Variants in GOLGA3 observed in about 807,000 individuals in gnomAD.
GOLGA3 encodes the protein golgin A3.
A neutral mutation model predicts 169.4 loss-of-function variants in GOLGA3; 75 were observed. The observed-to-expected ratio is 0.44, with a 90% confidence interval of 0.37 to 0.54. GOLGA3 has a LOEUF of 0.54. Among genes scored for constraint, GOLGA3 ranks in the 20% least tolerant of loss-of-function variants. The probability of loss-of-function intolerance (pLI) is 0.00; values close to 1 mark genes in which losing one functional copy is unlikely to be tolerated. For missense variants in GOLGA3, 1,899 were observed against 1,930.0 expected (o/e 0.98, Z 0.30); for synonymous variants, 824 against 822.4 (o/e 1.00, Z -0.03).
At chr12:132,791,990 C>G (rs1367822060) in intron 11 of GOLGA3, among the ~76,000 whole-genome samples, 1 of 145,232 alleles carries the variant, frequency 6.9e-6, no homozygotes, top group Non-Finnish European at 1.5e-5. Context: ...ACACTGAGGG[C>G]TCCAAGAGGG....
chr12:132,800,294 G>A (rs1217186465), intron 8 of GOLGA3, among the ~76,000 whole-genome samples: 1 of 152,140 alleles, frequency 6.6e-6, no homozygotes, highest in Non-Finnish European at 1.5e-5. Context: ...AAGAGTTCAA[G>A]ACGAGCTTGG....
chr12:132,810,852 A>T (rs1412493542), intron 4 of GOLGA3, among the ~76,000 whole-genome samples: 2 of 152,296 alleles, frequency 1.3e-5, no homozygotes, highest in African/African-American at 4.8e-5. Flanking sequence ...CCTAACCATC[A>T]ACCTGTGATG....
chr12:132,782,201 G>A, intron 17 of GOLGA3, 95 bp downstream of exon 17: 1 of 1,181,484 alleles, frequency 8.5e-7, no homozygotes, highest in Non-Finnish European at 1.3e-6. Flanking sequence ...CTAGGAGTCA[G>A]CACAGGTGAC....
chr12:132,797,346 C>T (rs1369443738), intron 9 of GOLGA3, among the ~76,000 whole-genome samples: 2 of 152,164 alleles, frequency 1.3e-5, no homozygotes, highest in Non-Finnish European at 2.9e-5. Flanking sequence ...GAACCTCCCT[C>T]CATACACTGC....
At chr12:132,789,394 G>A in intron 12 of GOLGA3, 104 bp from the exon 13 acceptor site, 1 of 970,990 alleles carries the variant, frequency 1.0e-6, no homozygotes, top group Non-Finnish European at 1.5e-6. Flanking sequence ...CTTATCGGGG[G>A]CATAACTTTT....
Position 132,787,809 on chromosome 12 carries a change from G to T in GOLGA3, c.2812-1022C>A, listed in dbSNP as rs1454461185. 6.7e-5 allele frequency among the ~76,000 whole-genome samples: 2 copies of T among 29,894 alleles called. 1 individual carries two copies. The highest frequency in any genetic ancestry group is 1.9e-4 in the African/African-American group (2 of 10,302). The allele number at this position is 29,894 out of a possible 152,430, so 19.6% of individuals were successfully genotyped here. A position where few individuals can be genotyped will look rare whatever the true frequency, so the allele number is the denominator to read the frequency against. On this transcript the variant is annotated intron_variant, in intron 13 of 23. Transcript: ENST00000450791. ...CCCGGAGACCACGGGACCCCTCCCCGGAGACCCCGGGACCCCTCCCCGGAG... is the reference window on the plus strand; with the variant it reads ...CCCGGAGACCACGGGACCCCTCCCCTGAGACCCCGGGACCCCTCCCCGGAG...
intron 18 of GOLGA3, among the ~76,000 whole-genome samples, chr12:132,779,654 G>A (rs1476203374): frequency 2.0e-5 from 3 of 152,156 alleles, no homozygotes; most frequent in Non-Finnish European, 4.4e-5. Flanking sequence ...GAGACAACCA[G>A]TTATTTCTTG....
chr12:132,784,448 T>C (rs986223870), intron 15 of GOLGA3, 141 bp from the exon 16 acceptor site: 4 of 709,946 alleles, frequency 5.6e-6, no homozygotes, highest in Non-Finnish European at 9.3e-6. Context: ...AACCTTCCTT[T>C]TTGTTAAAGA....
At chr12:132,826,751 T>C (rs1283208398) in intron 1 of GOLGA3, among the ~76,000 whole-genome samples, 1 of 152,184 alleles carries the variant, frequency 6.6e-6, no homozygotes, top group Non-Finnish European at 1.5e-5. Flanking sequence ...TCTCGGTCGA[T>C]TCCCAGTCTT....
intron 2 of GOLGA3, among the ~76,000 whole-genome samples, chr12:132,821,764 G>A (rs1221881526): frequency 1.4e-5 from 2 of 141,952 alleles, no homozygotes; most frequent in Non-Finnish European, 3.1e-5. Flanking sequence ...TGGGGCAAGA[G>A]AATGGCATGA....
rs990803590 is a variant in GOLGA3, at chr12:132,773,303, G to C, written c.4308-9C>G. The C allele has an allele frequency of 1.8e-6, 2 of 1,142,838 alleles. No individual in the cohort carries two copies. Among genetic ancestry groups the C allele is most frequent in the African/African-American group, 1.6e-5 (1 of 63,134 alleles). The allele number at this position is 1,142,838 out of a possible 1,614,324, so 70.8% of individuals were successfully genotyped here. A position where few individuals can be genotyped will look rare whatever the true frequency, so the allele number is the denominator to read the frequency against. On this transcript the variant is annotated splice_polypyrimidine_tract_variant and intron_variant, in intron 23 of 23. Coordinates refer to ENST00000450791, the MANE Select transcript of GOLGA3 (RefSeq NM_001389683.1). ...GGCTGTCCATCTCCTGCCTGGGACA[G>C]AAGAAGGAGGAAGAAGGCCCAGATC...
intron 23 of GOLGA3, 75 bp downstream of exon 23, chr12:132,774,082 C>T (rs1315978386): frequency 1.5e-6 from 2 of 1,370,006 alleles, no homozygotes; most frequent in Non-Finnish European, 2.0e-6. Context: ...AGTACTGGCA[C>T]CAGGAGTGCC....
chr12:132,781,481 C>A (rs1367365084), intron 17 of GOLGA3, among the ~76,000 whole-genome samples: 1 of 152,122 alleles, frequency 6.6e-6, no homozygotes, highest in Admixed American at 6.5e-5. Flanking sequence ...ATCGCTTGAA[C>A]CCGGGAGGCA....
In GOLGA3 at chr12:132,780,809, G is replaced by A. The variant is rs1454815220; in HGVS notation, c.3571C>T (p.Leu1191Phe). ...AAGGTGGCACGCACCTGCTCCTTGA[G>A]GCTGTTCACCTTCTCCTTCTCCTTC... ...LEKEKEKVNS[L>F]KEQVAAAKVE... The change falls in exon 18 of 24, where the codon CTC becomes TTC. Residue 1191 changes from leucine (L) to phenylalanine (F), a missense_variant. Leu to Phe is a conservative substitution (Grantham distance 22). Coordinates refer to ENST00000450791, the MANE Select transcript of GOLGA3 (RefSeq NM_001389683.1). The A allele has an allele frequency of 1.2e-6, 2 of 1,606,202 alleles. No homozygotes were observed. The highest frequency in any genetic ancestry group is 8.5e-7 in the Non-Finnish European group (1 of 1,175,300).
At chr12:132,787,102 C>T (rs1052207195) in intron 13 of GOLGA3, among the ~76,000 whole-genome samples, 1 of 151,992 alleles carries the variant, frequency 6.6e-6, no homozygotes, top group African/African-American at 2.4e-5. Flanking sequence ...TACAGGTGCC[C>T]GCCACCATGC....
intron 4 of GOLGA3, among the ~76,000 whole-genome samples, chr12:132,809,575 G>A (rs1176104295): frequency 6.6e-6 from 1 of 152,202 alleles, no homozygotes; most frequent in Non-Finnish European, 1.5e-5. Flanking sequence ...CTAGACCAAG[G>A]AGCCCTCTGG....
rs1033272388 is a variant in GOLGA3, at chr12:132,777,896, C to T, written c.3583-91G>A. 1.4e-6 allele frequency: 2 copies of T among 1,389,648 alleles called. No individual in the cohort carries two copies. Among genetic ancestry groups the T allele is most frequent in the African/African-American group, 2.9e-5 (2 of 70,024 alleles). 86.1% of individuals were successfully genotyped at this position (1,389,648 alleles called of 1,614,324 possible). On this transcript the variant is annotated intron_variant, in intron 18 of 23. Coordinates refer to ENST00000450791, the MANE Select transcript of GOLGA3 (RefSeq NM_001389683.1). This position sits in a 1 kb window ranked among gnomAD's most constrained non-coding sequence, Gnocchi z 4.7. ...CGCAGGGGGTGAATGCACTCCCGGC[C>T]CCGTGCATGTCCTGGCTGCCGGCGT...
At chr12:132,773,367 G>A (rs1177652472) in intron 23 of GOLGA3, 73 bp from the exon 24 acceptor site, 26 of 970,118 alleles carry the variant, frequency 2.7e-5, no homozygotes, top group South Asian at 9.4e-5. Flanking sequence ...TGTGGACAGC[G>A]TCACTCGCTA....
At position 132,813,232 on chromosome 12, in the gene GOLGA3, C is replaced by T. The variant is rs548679418; in HGVS notation, c.519+75G>A. 97 of 966,922 alleles carry T rather than the reference C, an allele frequency of 1.0e-4. No individual in the cohort carries two copies. In the East Asian group the frequency reaches 2.0e-3, roughly 20 times the overall value. The allele number at this position is 966,922 out of a possible 1,614,324, so 59.9% of individuals were successfully genotyped here. ...CTCAGAGAAGCCAATGGCAGGTCCC[C>T]GGGTTATGTGGGACCAACAGTTGTC... On this transcript the variant is annotated intron_variant, in intron 4 of 23. Coordinates refer to ENST00000450791, the MANE Select transcript of GOLGA3 (RefSeq NM_001389683.1).
Sources: allele counts gnomAD v4.1 joint callset (sites outside exome capture counted in the v4.1 genomes callset), GRCh38; gene constraint gnomAD v4.1.1; non-coding constraint Gnocchi (gnomAD v3.1); transcripts MANE v1.5; gene names NCBI Gene and HGNC (gene_info 2026-07-23, HGNC 2026-07-21).